COPB1: variants seen among roughly 807,000 people sequenced by gnomAD.
COPB1 encodes the protein coatomer subunit beta.
A neutral mutation model predicts 108.7 loss-of-function variants in COPB1; 21 were observed. The observed-to-expected ratio is 0.19, with a 90% CI of 0.14 to 0.28. The LOEUF (loss-of-function observed/expected upper bound fraction) is 0.28. Among genes scored for constraint, COPB1 ranks in the 10% least tolerant of loss-of-function variants. The pLI is 1.00. For missense variants in COPB1, 919 were observed against 1,141.3 expected (o/e 0.81, Z 2.81); for synonymous variants, 378 against 386.8 (o/e 0.98, Z 0.27).
Position 14,480,972 on chromosome 11 carries a change from G to A in COPB1, c.1065+18C>T, listed in dbSNP as rs747689167. On this transcript the variant is annotated intron_variant, in intron 9 of 21. Transcript: ENST00000439561. ...TTGGGCCTGATAGCTACAAAGTGCT[G>A]TCAGAGTTTCCTTTTACCTCTTCAA... The A allele has an allele frequency of 5.7e-5, 91 of 1,610,416 alleles. No individual in the cohort carries two copies. Among genetic ancestry groups the A allele is most frequent in the South Asian group, 2.6e-4 (24 of 90,928 alleles).
intron 11 of COPB1, 146 bp downstream of exon 11, chr11:14,479,423 G>A: frequency 3.2e-6 from 2 of 628,112 alleles, no homozygotes; most frequent in Non-Finnish European, 5.1e-6. Context: ...AAATGAGAGT[G>A]GAGTTAGCGA....
intron 2 of COPB1, among the ~76,000 whole-genome samples, chr11:14,496,096 T>C (rs1261700132): frequency 1.3e-5 from 2 of 152,200 alleles, no homozygotes; most frequent in African/African-American, 4.8e-5. Flanking sequence ...AAGTAAAATA[T>C]TAAGTTTCTT....
intron 2 of COPB1, among the ~76,000 whole-genome samples, chr11:14,496,280 C>G (rs1449943357): frequency 2.0e-5 from 3 of 151,406 alleles, no homozygotes; most frequent in African/African-American, 7.3e-5. Flanking sequence ...TTTTTCTTGA[C>G]AGAATCACTC....
At chr11:14,497,471 A>G (rs1203109749) in intron 2 of COPB1, among the ~76,000 whole-genome samples, 1 of 152,228 alleles carries the variant, frequency 6.6e-6, no homozygotes, top group African/African-American at 2.4e-5. Context: ...AGAGAAATGC[A>G]TATCAAAACT....
intron 11 of COPB1, among the ~76,000 whole-genome samples, chr11:14,477,285 G>A (rs1160616728): frequency 6.7e-6 from 1 of 150,274 alleles, no homozygotes; most frequent in African/African-American, 2.5e-5. Flanking sequence ...CCGGGAGGCT[G>A]AGGCAGGAGA....
rs7101670 is a variant in COPB1 at position 14,462,238 on chromosome 11, T to C, written c.2411-907A>G. On this transcript the variant is annotated intron_variant, in intron 18 of 21. Coordinates refer to ENST00000439561, the MANE Select transcript of COPB1 (RefSeq NM_001144061.2). ...TTTCTAGGCTCTTTTCTTTTCTTTT[T>C]TTTTTTTTTTTTGAGATGGAGTTTC... Among the ~76,000 whole-genome samples, 647 of 150,290 alleles carry C rather than the reference T, an allele frequency of 4.3e-3. 5 individuals are homozygous for C. Among genetic ancestry groups the C allele is most frequent in the African/African-American group, 0.015 (608 of 41,132 alleles).
chr11:14,494,194 T>C lies in COPB1; in HGVS notation c.321+16A>G. ...AATTCAAAGCAATATTCAGAAATAA[T>C]TATGATTTGGTTTACCTTTCTGTAT... is the stretch of plus-strand genomic sequence containing the variant. On this transcript the variant is annotated intron_variant, in intron 3 of 21. Transcript: ENST00000439561. 1 of 1,518,674 alleles carries C rather than the reference T, an allele frequency of 6.6e-7. No individual in the cohort carries two copies. The highest frequency in any genetic ancestry group is 9.1e-7 in the Non-Finnish European group (1 of 1,103,010). 94.1% of individuals were successfully genotyped at this position (1,518,674 alleles called of 1,614,324 possible).
chr11:14,474,989 A>G (rs1850488147), intron 13 of COPB1, among the ~76,000 whole-genome samples: 1 of 150,096 alleles, frequency 6.7e-6, no homozygotes, highest in Admixed American at 6.7e-5. Context: ...CCAGCTACTC[A>G]GGAGATTGAG....
In COPB1 at chr11:14,475,957, T is replaced by C; in HGVS notation, c.1456-12A>G. 1 of 1,576,964 alleles carries C rather than the reference T, an allele frequency of 6.3e-7. No individual in the cohort carries two copies. Among genetic ancestry groups the C allele is most frequent in the Non-Finnish European group, 8.6e-7 (1 of 1,165,118 alleles). On this transcript the variant is annotated splice_polypyrimidine_tract_variant and intron_variant, in intron 12 of 21. Transcript: ENST00000439561. ...TCTACAATTGGGATCTAAAAGTCAATTGGAAACATCATTTTAGTAATAGTA... is the reference window on the plus strand; with the variant it reads ...TCTACAATTGGGATCTAAAAGTCAACTGGAAACATCATTTTAGTAATAGTA...
chr11:14,468,645 T>C (rs779300919), intron 16 of COPB1, 36 bp downstream of exon 16: 1 of 1,587,474 alleles, frequency 6.3e-7, no homozygotes, highest in South Asian at 1.1e-5. Flanking sequence ...AAGGAGTCGA[T>C]TTAAATAATT....
At chr11:14,477,619 G>C (rs1428153364) in intron 11 of COPB1, among the ~76,000 whole-genome samples, 1 of 151,974 alleles carries the variant, frequency 6.6e-6, no homozygotes, top group Non-Finnish European at 1.5e-5. Context: ...TTGAGGCCGG[G>C]CACAGTGGCT....
chr11:14,469,576 A>G lies in COPB1; in HGVS notation c.1738-13T>C. ...CAGCAACAAAAGACTAAGAAAGTAA[A>G]GAAATCGGTTACTGATATTGTCTTG... is the stretch of plus-strand genomic sequence containing the variant. On this transcript the variant is annotated splice_polypyrimidine_tract_variant and intron_variant, in intron 14 of 21. Transcript: ENST00000439561. 1 of 1,601,932 alleles carries G rather than the reference A, an allele frequency of 6.2e-7. No individual in the cohort carries two copies. The highest frequency in any genetic ancestry group is 1.1e-5 in the South Asian group (1 of 90,814).
At position 14,475,803 on chromosome 11, in the gene COPB1, G is replaced by A; in HGVS notation, c.1598C>T (p.Thr533Ile). Residue 533 changes from threonine (T) to isoleucine (I), a missense_variant, in exon 13 of 22, where the codon ACC becomes ATC. Physicochemically the swap from Thr to Ile is moderately conservative, Grantham distance 89. Coordinates refer to ENST00000439561, the MANE Select transcript of COPB1 (RefSeq NM_001144061.2). ...AAATTACCTGTCTTCCTCTTTCTTG[G>A]TGGGTCTAGAACTGCTAAGGGCACT... is the stretch of plus-strand genomic sequence containing the variant. ...TQSALSSSRPTKKEEDRPPLR... is the reference protein window; with the variant it reads ...TQSALSSSRPIKKEEDRPPLR... 1 of 1,576,610 alleles carries A rather than the reference G, an allele frequency of 6.3e-7. No homozygotes were observed. Among genetic ancestry groups the A allele is most frequent in the Non-Finnish European group, 8.6e-7 (1 of 1,165,290 alleles).
intron 2 of COPB1, chr11:14,494,837 G>A (rs58196463): frequency 0.091 from 14,076 of 155,524 alleles, 938 homozygotes; most frequent in East Asian, 0.29. Flanking sequence ...AGCTATTTGT[G>A]TGCATTTTAA....
intron 6 of COPB1, among the ~76,000 whole-genome samples, chr11:14,488,228 T>G (rs1238294643): frequency 6.6e-6 from 1 of 152,220 alleles, no homozygotes; most frequent in Non-Finnish European, 1.5e-5. Context: ...AAGTTCACAA[T>G]GATTTATGTG....
At chr11:14,464,842 C>G (rs2134096273) in intron 18 of COPB1, 69 bp downstream of exon 18, 1 of 1,534,772 alleles carries the variant, frequency 6.5e-7, no homozygotes, top group Admixed American at 1.8e-5. Context: ...ACAATGTCCC[C>G]AGCTACTCAC....
intron 21 of COPB1, among the ~76,000 whole-genome samples, chr11:14,458,302 C>G (rs1298125328): frequency 1.3e-5 from 2 of 152,048 alleles, no homozygotes; most frequent in African/African-American, 4.8e-5. Flanking sequence ...ACCCATTTCA[C>G]AAACACCCCA....
At chr11:14,490,773 A>C in intron 4 of COPB1, 94 bp from the exon 5 acceptor site, 3 of 672,346 alleles carry the variant, frequency 4.5e-6, no homozygotes, top group South Asian at 2.2e-5. Context: ...ATTTAATCAA[A>C]CTTTACAACA....
intron 20 of COPB1, among the ~76,000 whole-genome samples, chr11:14,459,242 T>TA: frequency 1.0e-5 from 1 of 96,296 alleles, no homozygotes; most frequent in South Asian, 3.5e-4. Flanking sequence ...TATTTATATA[T>TA]TCTGTTTACT....
Sources: allele counts gnomAD v4.1 joint callset (sites outside exome capture counted in the v4.1 genomes callset), GRCh38; gene constraint gnomAD v4.1.1; transcripts MANE v1.5; gene names NCBI Gene and HGNC (gene_info 2026-07-23, HGNC 2026-07-21).